The following RBMS3 variants were observed in gnomAD, a reference collection of about 807,000 sequenced individuals.
RBMS3 encodes RNA binding motif single stranded interacting protein 3.
Under a neutral mutation model 66.8 loss-of-function variants are expected in RBMS3, and 27 were observed. The ratio of observed to expected loss-of-function variants is 0.40; its 90% CI spans 0.30 to 0.56. The LOEUF (loss-of-function observed/expected upper bound fraction) is 0.56. RBMS3 is among the 20% of genes least tolerant of loss of function. RBMS3 has a pLI of 0.40. For missense variants in RBMS3, 513 were observed against 549.5 expected (o/e 0.93, Z 0.66); for synonymous variants, 188 against 183.0 (o/e 1.03, Z -0.22).
At chr3:29,473,856 G>A (rs1429420597) in intron 2 of RBMS3, among the ~76,000 whole-genome samples, 4 of 152,216 alleles carry the variant, frequency 2.6e-5, no homozygotes, top group East Asian at 3.9e-4. Flanking sequence ...AGCGCCGCGC[G>A]CAGCCCCGGT....
chr3:29,664,240 A>C (rs1255398460), intron 4 of RBMS3, among the ~76,000 whole-genome samples: 1 of 152,138 alleles, frequency 6.6e-6, no homozygotes, highest in Non-Finnish European at 1.5e-5. Context: ...TTGTAATCCC[A>C]ACACTTTTGG....
At position 29,470,781 on chromosome 3, in the gene RBMS3, CTT is replaced by C. The variant is rs917653049; in HGVS notation, c.249-17659_249-17658del. Among the ~76,000 whole-genome samples the C allele has an allele frequency of 3.3e-5, 5 of 152,154 alleles. No homozygotes were observed. In the South Asian group the frequency reaches 1.0e-3, roughly 32 times the overall value. Reference sequence around the variant, plus strand: ...TAAAAATGAATTAAATGAATTGTCACTTATATATTCCTGACATTTTTTGGTAT... The same window carrying C: ...TAAAAATGAATTAAATGAATTGTCACATATATTCCTGACATTTTTTGGTAT... On this transcript the variant is annotated intron_variant, in intron 2 of 14. Transcript: ENST00000383767.
At chr3:29,490,790 T>C (rs1322860792) in intron 3 of RBMS3, among the ~76,000 whole-genome samples, 2 of 152,122 alleles carry the variant, frequency 1.3e-5, no homozygotes, top group Non-Finnish European at 2.9e-5. Flanking sequence ...ACTCTTGGCC[T>C]GTGGGAAGCA....
chr3:29,952,682 C>A (rs1465874741), intron 12 of RBMS3, among the ~76,000 whole-genome samples: 1 of 151,856 alleles, frequency 6.6e-6, no homozygotes, highest in Non-Finnish European at 1.5e-5. Flanking sequence ...GATATAACTT[C>A]TAAGTGCTTT....
chr3:29,978,437 T>C (rs150260862), intron 12 of RBMS3, among the ~76,000 whole-genome samples: 103 of 152,108 alleles, frequency 6.8e-4, no homozygotes, highest in African/African-American at 2.4e-3. Context: ...TCTGTTAGGT[T>C]TTCTGTGACA....
chr3:29,735,016 G>A (rs921363345), intron 4 of RBMS3, among the ~76,000 whole-genome samples: 2 of 152,086 alleles, frequency 1.3e-5, no homozygotes, highest in African/African-American at 4.8e-5. Context: ...TCCATCAAAT[G>A]TGAATGTTAG....
rs140393476 is a variant in RBMS3 at position 29,849,351 on chromosome 3, T to G, written c.638-19507T>G. ...CAAAATGGTGAAACCCCATCTCTAC[T>G]AAAAATATAAAAATTAACCGGGCAC... On this transcript the variant is annotated intron_variant, in intron 6 of 14. Transcript: ENST00000383767. Among the ~76,000 whole-genome samples the G allele has an allele frequency of 9.3e-3, 1,407 of 151,952 alleles. 21 individuals are homozygous for G. The highest frequency in any genetic ancestry group is 0.032 in the African/African-American group (1,346 of 41,424).
intron 1 of RBMS3, among the ~76,000 whole-genome samples, chr3:29,366,536 A>G (rs2037915533): frequency 1.4e-5 from 2 of 144,842 alleles, no homozygotes; most frequent in South Asian, 4.5e-4. Context: ...ATGAGCCACC[A>G]GGCTGAGCTA....
intron 3 of RBMS3, among the ~76,000 whole-genome samples, chr3:29,524,642 C>T (rs2045016276): frequency 6.6e-6 from 1 of 150,416 alleles, no homozygotes; most frequent in South Asian, 2.1e-4. Flanking sequence ...CAGGGTTTCG[C>T]AATGTTGGCC....
At chr3:29,312,535 A>G (rs1235755015) in intron 1 of RBMS3, among the ~76,000 whole-genome samples, 1 of 151,692 alleles carries the variant, frequency 6.6e-6, no homozygotes, top group Non-Finnish European at 1.5e-5. Context: ...TAAATCACTA[A>G]TTAATTCTCA....
chr3:29,478,425 C>T (rs963556942), intron 2 of RBMS3, among the ~76,000 whole-genome samples: 1 of 151,988 alleles, frequency 6.6e-6, no homozygotes, highest in African/African-American at 2.4e-5. Context: ...CTTGCTGGGC[C>T]CTCTTTCGTA....
intron 6 of RBMS3, among the ~76,000 whole-genome samples, chr3:29,801,922 G>A (rs1441621645): frequency 6.6e-6 from 1 of 152,042 alleles, no homozygotes; most frequent in African/African-American, 2.4e-5. Flanking sequence ...GAGAATTACA[G>A]CATATTTGTA....
rs201874147 is a variant in RBMS3, at chr3:29,601,260, A to G, written c.399+14055A>G. Among the ~76,000 whole-genome samples, 4 of 152,116 alleles carry G rather than the reference A, an allele frequency of 2.6e-5. No individual in the cohort carries two copies. The East Asian group carries it at 7.7e-4, about 29-fold the overall frequency. Reference sequence around the variant, plus strand: ...ATATTATTTAGGAAATGTAATTGTGATGTTTGCTAATAACCATCACAGAAA... The same window carrying G: ...ATATTATTTAGGAAATGTAATTGTGGTGTTTGCTAATAACCATCACAGAAA... On this transcript the variant is annotated intron_variant, in intron 4 of 14. Coordinates refer to ENST00000383767, the MANE Select transcript of RBMS3 (RefSeq NM_001003793.3).
intron 6 of RBMS3, among the ~76,000 whole-genome samples, chr3:29,856,452 C>T (rs2059079163): frequency 6.6e-6 from 1 of 151,856 alleles, no homozygotes; most frequent in Non-Finnish European, 1.5e-5. Flanking sequence ...GAGATGCACA[C>T]ATTTAGATCA....
intron 12 of RBMS3, among the ~76,000 whole-genome samples, chr3:29,962,644 C>G (rs1451783479): frequency 6.6e-6 from 1 of 151,028 alleles, no homozygotes; most frequent in African/African-American, 2.5e-5. Context: ...ACTAAATTGG[C>G]CCTTTTTATT....
At chr3:29,801,560 C>G (rs914607474) in intron 6 of RBMS3, among the ~76,000 whole-genome samples, 1 of 143,862 alleles carries the variant, frequency 7.0e-6, no homozygotes, top group Non-Finnish European at 1.5e-5. Flanking sequence ...GAGCACCTGA[C>G]CAGAATCATT....
At chr3:29,720,713 TGTGA>T (rs1271468149) in intron 4 of RBMS3, among the ~76,000 whole-genome samples, 2,014 of 151,554 alleles carry the variant, frequency 0.013, 43 homozygotes, top group African/African-American at 0.046. Context: ...TGTGTGTGTG[TGTGA>T]GTGTGTGTGT....
At chr3:29,617,120 AATTCAGAAT>A (rs2149144242) in intron 4 of RBMS3, 1 of 152,354 alleles carries the variant, frequency 6.6e-6, no homozygotes, top group South Asian at 2.1e-4. Context: ...AACTTGTGAT[AATTCAGAAT>A]ATTCAGAGAC....
intron 6 of RBMS3, chr3:29,767,172 T>A (rs904483585): frequency 3.3e-5 from 5 of 151,932 alleles, no homozygotes; most frequent in Admixed American, 6.6e-5. Context: ...AAAGGCTCAC[T>A]TTCAAAGAGC....
Sources: gnomAD v4.1 joint callset for allele counts (sites outside exome capture counted in the v4.1 genomes callset) on GRCh38, gnomAD v4.1.1 for gene constraint, MANE v1.5 for transcripts, NCBI Gene and HGNC (gene_info 2026-07-23, HGNC 2026-07-21) for gene names.